The following SLC24A2 variants were observed in gnomAD, a reference collection of about 807,000 sequenced individuals.
The protein encoded by SLC24A2 is solute carrier family 24 member 2, also known as sodium/potassium/calcium exchanger 2.
SLC24A2 carries 36 observed loss-of-function variants against 62.0 expected under a neutral mutation model. The ratio of observed to expected loss-of-function variants is 0.58; its 90% CI spans 0.44 to 0.77. The LOEUF (loss-of-function observed/expected upper bound fraction) is 0.77. SLC24A2 is among the 30% of genes least tolerant of loss of function. The pLI is 0.00. For missense variants in SLC24A2, 846 were observed against 817.9 expected (o/e 1.03, Z -0.42); for synonymous variants, 358 against 294.0 (o/e 1.22, Z -2.23).
intron 3 of SLC24A2, among the ~76,000 whole-genome samples, chr9:19,621,344 C>T (rs1230761560): frequency 6.6e-6 from 1 of 152,172 alleles, no homozygotes. Context: ...TATCCGTGTT[C>T]TGGTACTGGA....
At chr9:20,178,033 C>T in the SLC24A2 span, among the ~76,000 whole-genome samples, 1 of 152,082 alleles carries the variant, frequency 6.6e-6, no homozygotes, top group Admixed American at 6.6e-5. Flanking sequence ...AAGTAAATGA[C>T]TGTATCACTT....
At chr9:19,846,229 C>A in the SLC24A2 span, among the ~76,000 whole-genome samples, 1 of 152,054 alleles carries the variant, frequency 6.6e-6, no homozygotes, top group African/African-American at 2.4e-5. Flanking sequence ...CTGTCAAAAT[C>A]TTTTTGTAGG....
chr9:20,296,571 G>T, the SLC24A2 span, among the ~76,000 whole-genome samples: 1 of 152,198 alleles, frequency 6.6e-6, no homozygotes, highest in Non-Finnish European at 1.5e-5. Context: ...TCACAATGCA[G>T]ATGTACAAAA....
At chr9:19,952,530 T>G in the SLC24A2 span, among the ~76,000 whole-genome samples, 1 of 152,084 alleles carries the variant, frequency 6.6e-6, no homozygotes, top group African/African-American at 2.4e-5. Flanking sequence ...GTTTTTATCA[T>G]ACCTGAGATA....
chr9:19,977,538 C>T, the SLC24A2 span, among the ~76,000 whole-genome samples: 1 of 152,026 alleles, frequency 6.6e-6, no homozygotes, highest in East Asian at 1.9e-4. Context: ...GTACAAGTTC[C>T]TTGTATAGAG....
the SLC24A2 span, among the ~76,000 whole-genome samples, chr9:19,873,582 CCT>C: frequency 6.7e-6 from 1 of 149,044 alleles, no homozygotes; most frequent in African/African-American, 2.5e-5. Flanking sequence ...CCTTTCCTTT[CCT>C]TCCCTTTCCT....
chr9:20,002,490 A>G, the SLC24A2 span, among the ~76,000 whole-genome samples: 1 of 151,802 alleles, frequency 6.6e-6, no homozygotes, highest in Non-Finnish European at 1.5e-5. Context: ...GTGTCACTGC[A>G]CTTACTGTTA....
the SLC24A2 span, among the ~76,000 whole-genome samples, chr9:19,873,053 T>C: frequency 6.6e-6 from 1 of 151,502 alleles, no homozygotes; most frequent in African/African-American, 2.5e-5. Flanking sequence ...TCATTAAAAA[T>C]CAAGTTGTTT....
chr9:19,641,665 C>T (rs1031547687), intron 2 of SLC24A2, among the ~76,000 whole-genome samples: 7 of 152,062 alleles, frequency 4.6e-5, no homozygotes, highest in African/African-American at 1.7e-4. Flanking sequence ...CAGGTGCGTG[C>T]CACCGTGCCC....
chr9:20,260,095 A>G, the SLC24A2 span, among the ~76,000 whole-genome samples: 1 of 152,176 alleles, frequency 6.6e-6, no homozygotes, highest in African/African-American at 2.4e-5. Context: ...AAAACAAACA[A>G]ATAAATAAAT....
chr9:20,244,850 ACTTCT>A, the SLC24A2 span, among the ~76,000 whole-genome samples: 1 of 152,090 alleles, frequency 6.6e-6, no homozygotes, highest in East Asian at 1.9e-4. Context: ...CAGTATGTTT[ACTTCT>A]CTTATTTTAA....
the SLC24A2 span, among the ~76,000 whole-genome samples, chr9:19,883,666 A>C: frequency 0.29 from 44,736 of 151,666 alleles, 8,140 homozygotes; most frequent in African/African-American, 0.51. Context: ...CCTGGGTTCA[A>C]GCCATTCTCC....
At chr9:19,797,342 A>G in the SLC24A2 span, among the ~76,000 whole-genome samples, 1 of 151,560 alleles carries the variant, frequency 6.6e-6, no homozygotes, top group African/African-American at 2.4e-5. Flanking sequence ...TGCTCCCTGA[A>G]GTTTCTGTTT....
At chr9:19,784,773 C>A (rs986535069) in intron 2 of SLC24A2, among the ~76,000 whole-genome samples, 1 of 152,104 alleles carries the variant, frequency 6.6e-6, no homozygotes, top group Non-Finnish European at 1.5e-5. Flanking sequence ...AACAAGCATA[C>A]GAGAGAAATG....
the SLC24A2 span, among the ~76,000 whole-genome samples, chr9:20,047,203 A>G: frequency 4.6e-5 from 7 of 152,154 alleles, no homozygotes; most frequent in Non-Finnish European, 8.8e-5. Flanking sequence ...CTAGCATTTG[A>G]GAACACCAGC....
At chr9:19,532,762 G>C (rs1453940557) in intron 8 of SLC24A2, among the ~76,000 whole-genome samples, 2 of 152,122 alleles carry the variant, frequency 1.3e-5, no homozygotes, top group Admixed American at 1.3e-4. Context: ...GCACATAGTA[G>C]ACACTGAATA....
the SLC24A2 span, among the ~76,000 whole-genome samples, chr9:20,104,929 C>T: frequency 1.3e-5 from 2 of 152,174 alleles, no homozygotes; most frequent in Admixed American, 1.3e-4. Context: ...CAAGACCCAC[C>T]AGTGTGCTGT....
chr9:20,305,219 T>C, the SLC24A2 span, among the ~76,000 whole-genome samples: 1 of 151,746 alleles, frequency 6.6e-6, no homozygotes, highest in African/African-American at 2.4e-5. Flanking sequence ...GTGATTCTCC[T>C]GCCTCAGCCT....
chr9:19,582,723 T>C (rs977154999), intron 5 of SLC24A2, among the ~76,000 whole-genome samples: 6 of 152,146 alleles, frequency 3.9e-5, no homozygotes, highest in African/African-American at 1.4e-4. Context: ...AAGTTAGGCA[T>C]AGACTTCAGT....
Sources: gnomAD v4.1 joint callset for allele counts (sites outside exome capture counted in the v4.1 genomes callset) on GRCh38, gnomAD v4.1.1 for gene constraint, MANE v1.5 for transcripts, NCBI Gene and HGNC (gene_info 2026-07-23, HGNC 2026-07-21) for gene names.